The following TMEM117 variants were observed in gnomAD, a reference collection of about 807,000 sequenced individuals.
TMEM117 encodes transmembrane protein 117.
Under a neutral mutation model 52.4 loss-of-function variants are expected in TMEM117, and 27 were observed. The ratio of observed to expected loss-of-function variants is 0.51; its 90% CI spans 0.38 to 0.71. The LOEUF is 0.71. TMEM117 is among the 30% of genes least tolerant of loss of function. TMEM117 has a pLI of 0.00. For synonymous variants in TMEM117, 215 were observed against 206.3 expected (o/e 1.04, Z -0.36); for missense variants, 556 against 630.5 (o/e 0.88, Z 1.26).
intron 2 of TMEM117, among the ~76,000 whole-genome samples, chr12:43,889,615 T>C (rs1344096518): frequency 6.6e-6 from 1 of 152,248 alleles, no homozygotes; most frequent in African/African-American, 2.4e-5. Flanking sequence ...TAATAAATGG[T>C]GTGGTTGAAA....
At chr12:43,944,741 A>C (rs888732710) in intron 3 of TMEM117, among the ~76,000 whole-genome samples, 3 of 152,172 alleles carry the variant, frequency 2.0e-5, no homozygotes, top group African/African-American at 7.2e-5. Flanking sequence ...GCTAAATAAA[A>C]GTGGTACAGG....
chr12:44,093,705 C>T (rs1239601391), intron 3 of TMEM117, among the ~76,000 whole-genome samples: 1 of 144,346 alleles, frequency 6.9e-6, no homozygotes, highest in African/African-American at 2.6e-5. Flanking sequence ...GAAATATTTA[C>T]TCATTACTTT....
intron 5 of TMEM117, among the ~76,000 whole-genome samples, chr12:44,218,830 C>T (rs1022043870): frequency 2.6e-5 from 4 of 152,052 alleles, no homozygotes; most frequent in Admixed American, 6.6e-5. Context: ...TTTTCACATT[C>T]GTTGTTTCCT....
chr12:43,902,843 A>G (rs1944326903), intron 2 of TMEM117, among the ~76,000 whole-genome samples: 1 of 152,210 alleles, frequency 6.6e-6, no homozygotes, highest in Admixed American at 6.5e-5. Context: ...AAAAAACTGG[A>G]TAACTGATTA....
chr12:43,943,694 G>A (rs1339258735), intron 2 of TMEM117, among the ~76,000 whole-genome samples: 1 of 152,148 alleles, frequency 6.6e-6, no homozygotes, highest in Non-Finnish European at 1.5e-5. Context: ...TAAGCTGCAT[G>A]TTTTATAACA....
chr12:43,883,328 T>G (rs907930749), intron 2 of TMEM117, among the ~76,000 whole-genome samples: 25 of 152,194 alleles, frequency 1.6e-4, no homozygotes, highest in Admixed American at 1.4e-3. Flanking sequence ...TGTTTCTTCT[T>G]GATGTATTAT....
intron 5 of TMEM117, among the ~76,000 whole-genome samples, chr12:44,255,631 C>A (rs1440783859): frequency 6.6e-6 from 1 of 151,954 alleles, no homozygotes; most frequent in African/African-American, 2.4e-5. Flanking sequence ...ATTGTAAAAG[C>A]AGGATATAAA....
chr12:44,203,496 T>A (rs1457519606), intron 4 of TMEM117, among the ~76,000 whole-genome samples: 2 of 152,158 alleles, frequency 1.3e-5, no homozygotes, highest in East Asian at 3.9e-4. Flanking sequence ...TCCTGCTAGC[T>A]TTGGGGTTGG....
intron 4 of TMEM117, among the ~76,000 whole-genome samples, chr12:44,152,068 TATA>T (rs1294776691): frequency 3.4e-5 from 4 of 116,194 alleles, no homozygotes; most frequent in Non-Finnish European, 4.8e-5. Context: ...ATATTATAGA[TATA>T]ATATATATTT....
At chr12:44,194,522 C>T (rs558459229) in intron 4 of TMEM117, among the ~76,000 whole-genome samples, 1 of 152,116 alleles carries the variant, frequency 6.6e-6, no homozygotes, top group Non-Finnish European at 1.5e-5. Context: ...AATCTCAGGG[C>T]TGGGTGTGGT....
chr12:43,809,816 A>G, the TMEM117 span, among the ~76,000 whole-genome samples: 947 of 152,328 alleles, frequency 6.2e-3, 3 homozygotes, highest in Middle Eastern at 0.017. Context: ...ATTAACTTTT[A>G]TTATATGCAT....
intron 4 of TMEM117, among the ~76,000 whole-genome samples, chr12:44,209,399 T>G (rs1949615832): frequency 6.6e-6 from 1 of 152,124 alleles, no homozygotes; most frequent in Non-Finnish European, 1.5e-5. Context: ...AATATAATCC[T>G]GTAATTTAAA....
At chr12:44,354,455 A>G (rs961905448) in intron 6 of TMEM117, among the ~76,000 whole-genome samples, 1 of 152,144 alleles carries the variant, frequency 6.6e-6, no homozygotes, top group Non-Finnish European at 1.5e-5. Flanking sequence ...CAGCACATCA[A>G]AAAGCTTATC....
chr12:44,174,506 A>G (rs1228070436), intron 4 of TMEM117, among the ~76,000 whole-genome samples: 2 of 152,172 alleles, frequency 1.3e-5, no homozygotes, highest in Non-Finnish European at 2.9e-5. Flanking sequence ...TTAATATATA[A>G]CATGATGATG....
chr12:44,065,104 G>T (rs1947201733), intron 3 of TMEM117, among the ~76,000 whole-genome samples: 1 of 152,140 alleles, frequency 6.6e-6, no homozygotes, highest in South Asian at 2.1e-4. Flanking sequence ...TAGTAAACTG[G>T]CTGGGCATGG....
At chr12:44,360,157 A>G (rs1050104054) in intron 6 of TMEM117, among the ~76,000 whole-genome samples, 1 of 152,192 alleles carries the variant, frequency 6.6e-6, no homozygotes, top group African/African-American at 2.4e-5. Flanking sequence ...GCCCCATTTT[A>G]AGAAAGTAAA....
chr12:43,988,218 A>C (rs997553733), intron 3 of TMEM117, among the ~76,000 whole-genome samples: 1 of 152,052 alleles, frequency 6.6e-6, no homozygotes, highest in African/African-American at 2.4e-5. Flanking sequence ...AGAATTGGGC[A>C]CGTTGGATTC....
intron 2 of TMEM117, among the ~76,000 whole-genome samples, chr12:43,882,267 C>T (rs1458643689): frequency 6.6e-6 from 1 of 151,776 alleles, no homozygotes; most frequent in Non-Finnish European, 1.5e-5. Context: ...CAAGATCATC[C>T]TGGCCGACAT....
intron 3 of TMEM117, among the ~76,000 whole-genome samples, chr12:43,971,014 G>C (rs974288168): frequency 4.0e-5 from 6 of 151,758 alleles, no homozygotes; most frequent in African/African-American, 7.3e-5. Flanking sequence ...CCCTACCCTT[G>C]CCACCCTCTC....
Sources: allele counts gnomAD v4.1 joint callset (sites outside exome capture counted in the v4.1 genomes callset), GRCh38; gene constraint gnomAD v4.1.1; transcripts MANE v1.5; gene names NCBI Gene and HGNC (gene_info 2026-07-23, HGNC 2026-07-21).